The following LINGO2 variants were observed in gnomAD, a reference collection of about 807,000 sequenced individuals.
LINGO2 encodes the protein leucine-rich repeat and immunoglobulin-like domain-containing nogo receptor-interacting protein 2.
In LINGO2, 14 loss-of-function variants were observed where a neutral mutation model predicts 30.6. The ratio of observed to expected loss-of-function variants is 0.46; its 90% CI spans 0.30 to 0.72. LINGO2 has a LOEUF of 0.72. Among genes scored for constraint, LINGO2 ranks in the 30% least tolerant of loss-of-function variants. LINGO2 has a pLI of 0.07. For synonymous variants in LINGO2, 317 were observed against 288.5 expected (o/e 1.10, Z -1.00); for missense variants, 729 against 751.7 (o/e 0.97, Z 0.35).
the LINGO2 span, among the ~76,000 whole-genome samples, chr9:29,038,673 GA>G: frequency 0.18 from 22,854 of 125,942 alleles, 1,680 homozygotes; most frequent in South Asian, 0.22. Flanking sequence ...TCACTACTCA[GA>G]AAAAAAAAAA....
At chr9:28,724,470 C>T in the LINGO2 span, among the ~76,000 whole-genome samples, 2 of 152,140 alleles carry the variant, frequency 1.3e-5, no homozygotes, top group Non-Finnish European at 2.9e-5. Flanking sequence ...AATTGCAAGA[C>T]AAACCTCTGA....
At chr9:28,318,228 C>T (rs1327871763) in intron 3 of LINGO2, among the ~76,000 whole-genome samples, 1 of 152,142 alleles carries the variant, frequency 6.6e-6, no homozygotes, top group African/African-American at 2.4e-5. Flanking sequence ...TTTAATTTCA[C>T]TGTTTCTATA....
At chr9:28,544,841 T>C (rs1821860004) in intron 1 of LINGO2, among the ~76,000 whole-genome samples, 1 of 150,650 alleles carries the variant, frequency 6.6e-6, no homozygotes, top group Admixed American at 6.6e-5. Flanking sequence ...AATATAAAAT[T>C]AGGAATTCCA....
intron 1 of LINGO2, among the ~76,000 whole-genome samples, chr9:28,495,430 C>T (rs1424905874): frequency 2.0e-5 from 3 of 152,306 alleles, no homozygotes; most frequent in Non-Finnish European, 2.9e-5. Context: ...CAGCTTTCTA[C>T]ATATGGCTAG....
the LINGO2 span, among the ~76,000 whole-genome samples, chr9:29,108,027 C>A: frequency 6.6e-6 from 1 of 152,070 alleles, no homozygotes; most frequent in Non-Finnish European, 1.5e-5. Flanking sequence ...ATAACACTAG[C>A]ACCTGAGAAC....
intron 1 of LINGO2, among the ~76,000 whole-genome samples, chr9:28,668,485 A>G (rs540246360): frequency 6.6e-6 from 1 of 152,182 alleles, no homozygotes; most frequent in South Asian, 2.1e-4. Flanking sequence ...GAAACAAAAT[A>G]TTAATTTTTA....
At chr9:28,189,931 G>A (rs964298169) in intron 4 of LINGO2, among the ~76,000 whole-genome samples, 1 of 151,978 alleles carries the variant, frequency 6.6e-6, no homozygotes, top group Non-Finnish European at 1.5e-5. Flanking sequence ...GGACTAGAAA[G>A]GGGGACAGCA....
At chr9:28,859,897 G>A in the LINGO2 span, among the ~76,000 whole-genome samples, 9 of 151,876 alleles carry the variant, frequency 5.9e-5, no homozygotes, top group East Asian at 1.5e-3. Context: ...TATTTTAAAA[G>A]GATGCATTTA....
intron 2 of LINGO2, among the ~76,000 whole-genome samples, chr9:28,414,857 T>TC (rs1319569014): frequency 1.3e-5 from 2 of 152,116 alleles, no homozygotes; most frequent in African/African-American, 4.8e-5. Flanking sequence ...AGATAGGCAT[T>TC]AAGATTTTGT....
Position 28,129,503 on chromosome 9 carries a change from T to G in LINGO2, c.-86-117098A>C, listed in dbSNP as rs1227579470. On this transcript the variant is annotated intron_variant, in intron 4 of 5. Coordinates refer to ENST00000379992, the Ensembl canonical transcript of LINGO2. The surrounding 1 kb of genome is among the most constrained non-coding windows in gnomAD (Gnocchi z 4.0). ...CTCATCACAGAAACAGCCTATCCAG[T>G]CGTACCTCTTCAGTCCTCAGACTGG... 2 of 152,214 alleles carry G rather than the reference T, an allele frequency of 1.3e-5. No homozygotes were observed. The highest frequency in any genetic ancestry group is 2.9e-5 in the Non-Finnish European group (2 of 68,068). The allele number at this position is 152,214 out of a possible 1,614,324, so 9.4% of individuals were successfully genotyped here. A position where few individuals can be genotyped will look rare whatever the true frequency, so the allele number is the denominator to read the frequency against.
At chr9:28,988,052 C>CA in the LINGO2 span, among the ~76,000 whole-genome samples, 1 of 152,086 alleles carries the variant, frequency 6.6e-6, no homozygotes, top group African/African-American at 2.4e-5. Context: ...GTTCATTTGG[C>CA]CTGAAGTGTT....
chr9:28,866,474 A>G, the LINGO2 span, among the ~76,000 whole-genome samples: 62 of 152,086 alleles, frequency 4.1e-4, no homozygotes, highest in Non-Finnish European at 7.1e-4. Context: ...TGAATCTGCA[A>G]TTAGGAACTA....
At position 28,345,943 on chromosome 9, in the gene LINGO2, T is replaced by C. The variant is rs185219397; in HGVS notation, c.-246+26893A>G. ...ATCCCATTGGAATTGCCTAATTTAA[T>C]TGACAAAGAAAAAGATTTATAAAAA... On this transcript the variant is annotated intron_variant, in intron 3 of 5. Coordinates refer to ENST00000379992, the Ensembl canonical transcript of LINGO2. Among the ~76,000 whole-genome samples the C allele has an allele frequency of 2.3e-4, 35 of 152,252 alleles. No individual in the cohort carries two copies. The East Asian group carries it at 4.8e-3, about 21-fold the overall frequency.
chr9:28,407,343 A>G (rs770373563), intron 2 of LINGO2, among the ~76,000 whole-genome samples: 1 of 152,158 alleles, frequency 6.6e-6, no homozygotes, highest in Non-Finnish European at 1.5e-5. Flanking sequence ...AAATTCACTT[A>G]CTTGTAACTC....
At chr9:29,085,372 T>G in the LINGO2 span, among the ~76,000 whole-genome samples, 28,064 of 143,370 alleles carry the variant, frequency 0.2, 2,769 homozygotes, top group East Asian at 0.35. Flanking sequence ...ACAAAAATAA[T>G]GATAAAATAA....
At chr9:29,146,323 C>T in the LINGO2 span, among the ~76,000 whole-genome samples, 1 of 152,038 alleles carries the variant, frequency 6.6e-6, no homozygotes, top group African/African-American at 2.4e-5. Context: ...CCACTGCACT[C>T]CAGTCTGGCG....
At chr9:28,874,685 A>C in the LINGO2 span, among the ~76,000 whole-genome samples, 1 of 152,064 alleles carries the variant, frequency 6.6e-6, no homozygotes, top group African/African-American at 2.4e-5. Context: ...AAATACATAA[A>C]ACACCTTCCA....
intron 1 of LINGO2, among the ~76,000 whole-genome samples, chr9:28,595,677 C>T (rs996589848): frequency 2.6e-5 from 4 of 151,856 alleles, no homozygotes; most frequent in Non-Finnish European, 5.9e-5. Context: ...TAATAGAAAA[C>T]GATATAATAT....
At chr9:29,003,096 C>T in the LINGO2 span, among the ~76,000 whole-genome samples, 2 of 151,902 alleles carry the variant, frequency 1.3e-5, no homozygotes, top group Admixed American at 6.6e-5. Flanking sequence ...AAGGAATGTC[C>T]ACACCAGACG....
Sources: gnomAD v4.1 joint callset for allele counts (sites outside exome capture counted in the v4.1 genomes callset) on GRCh38, gnomAD v4.1.1 for gene constraint, Gnocchi (gnomAD v3.1) non-coding constraint, MANE v1.5 for transcripts, NCBI Gene and HGNC (gene_info 2026-07-23, HGNC 2026-07-21) for gene names.